HDAC9: variants seen among roughly 807,000 people sequenced by gnomAD.
HDAC9 encodes histone deacetylase 9.
Under a neutral mutation model 139.4 loss-of-function variants are expected in HDAC9, and 41 were observed. The observed-to-expected ratio is 0.29, with a 90% CI of 0.23 to 0.38. The LOEUF (loss-of-function observed/expected upper bound fraction) is 0.38, where lower values mean the gene tolerates loss of function less well. Among genes scored for constraint, HDAC9 ranks in the 10% least tolerant of loss-of-function variants. The pLI, the probability that HDAC9 is intolerant of heterozygous loss-of-function variation, is 1.00. For missense variants in HDAC9, 1,147 were observed against 1,297.0 expected, an observed-to-expected ratio of 0.88 and a Z score of 1.78; for synonymous variants, 517 against 476.2, an observed-to-expected ratio of 1.09 and a Z score of -1.12.
intron 2 of HDAC9, among the ~76,000 whole-genome samples, chr7:18,233,670 A>G (rs965289784): frequency 2.6e-5 from 4 of 152,140 alleles, no homozygotes; most frequent in African/African-American, 7.2e-5. Context: ...GCAATATTCT[A>G]TAGCCTGTAG....
chr7:18,740,105 C>T (rs1009174797), intron 13 of HDAC9, among the ~76,000 whole-genome samples: 33 of 152,164 alleles, frequency 2.2e-4, no homozygotes, highest in Middle Eastern at 3.2e-3. Flanking sequence ...CCTCGTCTGC[C>T]GATTGCTAAG....
chr7:18,846,294 A>G (rs1438561715), intron 21 of HDAC9, among the ~76,000 whole-genome samples: 4 of 152,162 alleles, frequency 2.6e-5, no homozygotes, highest in Admixed American at 6.5e-5. Context: ...TGCCACAAAG[A>G]GCAAGCAAGA....
intron 1 of HDAC9, among the ~76,000 whole-genome samples, chr7:18,412,220 C>A (rs922973893): frequency 1.3e-5 from 2 of 151,752 alleles, no homozygotes; most frequent in Non-Finnish European, 2.9e-5. Context: ...TTACTAGGTG[C>A]CTGTCTGGGA....
At position 18,609,877 on chromosome 7, in the gene HDAC9, G is replaced by A. The variant is rs535213302; in HGVS notation, c.664+15848G>A. ...TTCCCACCTATGAGTGAGAACATGC[G>A]GTGTTTGGGTTTTTGTCCTTGCGAG... is the stretch of plus-strand genomic sequence containing the variant. On this transcript the variant is annotated intron_variant, in intron 6 of 25. Coordinates refer to ENST00000686413, the MANE Select transcript of HDAC9 (RefSeq NM_178425.4). 8.6e-5 allele frequency among the ~76,000 whole-genome samples: 13 copies of A among 150,878 alleles called. No individual in the cohort carries two copies. The East Asian group carries it at 9.9e-4, about 12-fold the overall frequency.
At chr7:18,193,640 C>T (rs574463210) in intron 2 of HDAC9, among the ~76,000 whole-genome samples, 3 of 152,136 alleles carry the variant, frequency 2.0e-5, no homozygotes, top group Non-Finnish European at 4.4e-5. Flanking sequence ...TAAAGCTCAC[C>T]TATAATATTT....
intron 21 of HDAC9, among the ~76,000 whole-genome samples, chr7:18,868,333 G>T (rs1006458506): frequency 6.6e-6 from 1 of 152,166 alleles, no homozygotes; most frequent in Non-Finnish European, 1.5e-5. Context: ...GGAGGACTGT[G>T]TGTTAGAGTC....
chr7:18,636,287 G>A (rs1401432883), intron 8 of HDAC9, among the ~76,000 whole-genome samples: 1 of 152,004 alleles, frequency 6.6e-6, no homozygotes. Flanking sequence ...TGTGTCCCCT[G>A]CCAGCCCCCC....
At chr7:18,328,919 G>C (rs980532284) in intron 1 of HDAC9, among the ~76,000 whole-genome samples, 1 of 151,804 alleles carries the variant, frequency 6.6e-6, no homozygotes, top group Non-Finnish European at 1.5e-5. Context: ...GAATTTGTCA[G>C]TGAAGTCATT....
rs116718767 is a variant in HDAC9, at chr7:18,159,039, G to T, written c.-96-3190G>T. Reference sequence around the variant, plus strand: ...TATGTAGCTCAAGGGATATAGTTAAGAACCAAAATAACCATTCCTGGATCT... The same window carrying T: ...TATGTAGCTCAAGGGATATAGTTAATAACCAAAATAACCATTCCTGGATCT... On this transcript the variant is annotated intron_variant, in intron 1 of 12. Coordinates refer to the HDAC9 transcript ENST00000417496. Among the ~76,000 whole-genome samples, 763 of 152,290 alleles carry T rather than the reference G, an allele frequency of 5.0e-3. 9 individuals carry two copies. Among genetic ancestry groups the T allele is most frequent in the African/African-American group, 0.018 (740 of 41,558 alleles).
Position 18,934,410 on chromosome 7 carries a change from G to C in HDAC9, c.2804-1399G>C, listed in dbSNP as rs185314079. ...TTAAAGCATTAGCAAAACAAATCCAGGTGTGTACTAAAAAGATAATACATT... is the reference window on the plus strand; with the variant it reads ...TTAAAGCATTAGCAAAACAAATCCACGTGTGTACTAAAAAGATAATACATT... On this transcript the variant is annotated intron_variant, in intron 22 of 25. Transcript: ENST00000686413. Among the ~76,000 whole-genome samples the C allele has an allele frequency of 6.0e-4, 91 of 152,092 alleles. 1 individual carries two copies. Among genetic ancestry groups the C allele is most frequent in the Admixed American group, 2.6e-3 (40 of 15,274 alleles).
intron 6 of HDAC9, 56 bp from the exon 7 acceptor site, chr7:18,629,294 T>G: frequency 3.4e-6 from 5 of 1,456,646 alleles, no homozygotes; most frequent in Non-Finnish European, 4.6e-6. Context: ...CATGAGCAAT[T>G]GGCTCTCTAT....
chr7:18,588,767 G>C (rs1830130411), intron 3 of HDAC9, among the ~76,000 whole-genome samples: 2 of 152,106 alleles, frequency 1.3e-5, no homozygotes, highest in African/African-American at 4.8e-5. Flanking sequence ...AAAGGGGGCT[G>C]GAAGGGTCTT....
chr7:18,397,995 CA>C (rs1787206202), intron 1 of HDAC9, among the ~76,000 whole-genome samples: 1 of 152,196 alleles, frequency 6.6e-6, no homozygotes, highest in African/African-American at 2.4e-5. Context: ...CATCATCTTA[CA>C]GATGAGGGAT....
intron 1 of HDAC9, among the ~76,000 whole-genome samples, chr7:18,133,007 C>T (rs1262675886): frequency 6.6e-6 from 1 of 152,086 alleles, no homozygotes; most frequent in Non-Finnish European, 1.5e-5. Flanking sequence ...TAACTGAGTC[C>T]TCTGGTCTTT....
intron 21 of HDAC9, among the ~76,000 whole-genome samples, chr7:18,842,423 A>G (rs1796642975): frequency 6.6e-6 from 1 of 152,134 alleles, no homozygotes; most frequent in African/African-American, 2.4e-5. Flanking sequence ...GAACTTGTCA[A>G]TCAATCTTAG....
chr7:18,415,093 T>G (rs1361259105), intron 1 of HDAC9, among the ~76,000 whole-genome samples: 1 of 152,214 alleles, frequency 6.6e-6, no homozygotes, highest in Non-Finnish European at 1.5e-5. Context: ...ATTAAGTAGC[T>G]TGACAGAGTT....
rs888380323 is a variant in HDAC9, at chr7:18,366,398, A to G, written c.-42+75883A>G. ...GTTTCTGGATCATGGCAGTTGGCCC[A>G]GGACACCAGACCTAGAATTTGCACC... On this transcript the variant is annotated intron_variant, in intron 1 of 3. Transcript: ENST00000413509. Among the ~76,000 whole-genome samples the G allele has an allele frequency of 7.9e-5, 12 of 152,266 alleles. No homozygotes were observed. In the East Asian group the frequency reaches 1.4e-3, roughly 17 times the overall value.
At position 18,879,357 on chromosome 7, in the gene HDAC9, A is replaced by T. The variant is rs1799553901; in HGVS notation, c.2803+4761A>T. Among the ~76,000 whole-genome samples the T allele has an allele frequency of 2.6e-5, 4 of 152,316 alleles. No individual in the cohort carries two copies. In the South Asian group the frequency reaches 8.3e-4, roughly 32 times the overall value. On this transcript the variant is annotated intron_variant, in intron 22 of 25. Transcript: ENST00000686413. ...AAAAAAGAGCCCAAATAGCTAAGGC[A>T]ATCCTAAGCGAAAAGAGCATAGCTG...
intron 2 of HDAC9, chr7:18,502,779 G>A (rs971785045): frequency 6.6e-6 from 1 of 152,104 alleles, no homozygotes; most frequent in Non-Finnish European, 1.5e-5. Flanking sequence ...ATCTCTCTAA[G>A]CTATTAATCA....
Sources: allele counts gnomAD v4.1 joint callset (sites outside exome capture counted in the v4.1 genomes callset), GRCh38; gene constraint gnomAD v4.1.1; transcripts MANE v1.5; gene names NCBI Gene and HGNC (gene_info 2026-07-23, HGNC 2026-07-21).